The following ZNF43 variants were observed in gnomAD, a reference collection of about 807,000 sequenced individuals.
ZNF43 encodes the protein zinc finger protein 43.
In ZNF43, 44 loss-of-function variants were observed where a neutral mutation model predicts 68.4. The ratio of observed to expected loss-of-function variants is 0.64; its 90% CI spans 0.51 to 0.83. ZNF43 has a LOEUF of 0.83. ZNF43 is among the 40% of genes least tolerant of loss of function. ZNF43 has a pLI of 0.00. For missense variants in ZNF43, 896 were observed against 933.2 expected (o/e 0.96, Z 0.52); for synonymous variants, 308 against 307.8 (o/e 1.00, Z -0.01).
rs185205420 is a variant in ZNF43, at chr19:21,829,691, T to G, written c.3+6345A>C. Among the ~76,000 whole-genome samples, 26 of 152,294 alleles carry G rather than the reference T, an allele frequency of 1.7e-4. No homozygotes were observed. The East Asian group carries it at 4.6e-3, about 27-fold the overall frequency. ...TTTAAGATAAAAGAGTTGAACAAGATAGTCTCTCTTATTTTCAGGTAGGAT... is the reference window on the plus strand; with the variant it reads ...TTTAAGATAAAAGAGTTGAACAAGAGAGTCTCTCTTATTTTCAGGTAGGAT... On this transcript the variant is annotated intron_variant, in intron 1 of 3. Transcript: ENST00000354959.
chr19:21,848,437 T>C (rs1041215483), intron 1 of ZNF43, among the ~76,000 whole-genome samples: 89 of 152,314 alleles, frequency 5.8e-4, no homozygotes, highest in African/African-American at 2.0e-3. Context: ...TGAGCCACCA[T>C]GCCCGGCCAT....
At position 21,836,111 on chromosome 19, in the gene ZNF43, G is replaced by T. The variant is rs1046385828; in HGVS notation, c.-73C>A. 3 of 1,610,530 alleles carry T rather than the reference G, an allele frequency of 1.9e-6. No individual in the cohort carries two copies. On this transcript the variant is annotated 5_prime_UTR_variant, in exon 1 of 4. Transcript: ENST00000354959. The stretch of plus-strand genomic sequence containing the variant: ...TACCCGCAGGTCACAGAGCCACAGA[G>T]GCTGGACCTCTAGCAGCAGAGGACA...
Position 21,844,921 on chromosome 19 carries a change from A to AATATATATAT in ZNF43, c.30+6974_30+6983dup, listed in dbSNP as rs1181354510. The stretch of plus-strand genomic sequence containing the variant: ...CAAAAAAAAAAAAAAAAAAAAAAAA[A>AATATATATAT]ATATATATATATATATATATATATA... On this transcript the variant is annotated intron_variant, in intron 1 of 3. Coordinates refer to the ZNF43 transcript ENST00000357491. Among the ~76,000 whole-genome samples the AATATATATAT allele has an allele frequency of 6.7e-3, 174 of 26,018 alleles. 3 individuals are homozygous for AATATATATAT. The highest frequency in any genetic ancestry group is 8.0e-3 in the Non-Finnish European group (128 of 16,062). 17.1% of individuals were successfully genotyped at this position (26,018 alleles called of 152,430 possible).
At chr19:21,851,900 C>T in intron 1 of ZNF43, 1 of 1,578,856 alleles carries the variant, frequency 6.3e-7, no homozygotes, top group Non-Finnish European at 8.6e-7. Context: ...ACCCCGCACA[C>T]TCACCATTTC....
upstream of ZNF43, among the ~76,000 whole-genome samples, chr19:21,839,331 C>CAAAAAAAAAAAAAAAAAAAAAA (rs61335194): frequency 3.5e-5 from 1 of 28,300 alleles, no homozygotes; most frequent in Non-Finnish European, 7.0e-5. Context: ...AGAGATCAGG[C>CAAAAAAAAAAAAAAAAAAAAAA]AAAAAAAAAA....
chr19:21,808,635 T>C lies in ZNF43; in HGVS notation c.1402A>G (p.Asn468Asp). The C allele has an allele frequency of 6.2e-7, 1 of 1,613,744 alleles. No individual in the cohort carries two copies. The highest frequency in any genetic ancestry group is 1.1e-5 in the South Asian group (1 of 91,066). ...VCGKAFNQFS[N>D]LTTHKRIHTA... ...TGAATTCTCTTATGTGTAGTAAGGT[T>C]TGAGAACTGGTTAAAGGCTTTGCCA... The change falls in exon 4 of 4, where the codon AAC becomes GAC. Residue 468 changes from asparagine to aspartate, a missense_variant. By Grantham distance (23) the Asn-to-Asp change is conservative. Coordinates refer to ENST00000354959, the MANE Select transcript of ZNF43 (RefSeq NM_003423.4).
Position 21,817,532 on chromosome 19 carries a change from G to T in ZNF43, c.229+356C>A, listed in dbSNP as rs189784438. On this transcript the variant is annotated intron_variant, in intron 3 of 3. Coordinates refer to ENST00000354959, the MANE Select transcript of ZNF43 (RefSeq NM_003423.4). ...ACATTTCAGACATGATGTAAAGAAA[G>T]AACTTAAAAAATAGTTTAATATACA... Among the ~76,000 whole-genome samples the T allele has an allele frequency of 7.0e-3, 1,068 of 152,178 alleles. 8 individuals are homozygous for T. Among genetic ancestry groups the T allele is most frequent in the Non-Finnish European group, 0.012 (835 of 67,990 alleles).
intron 1 of ZNF43, among the ~76,000 whole-genome samples, chr19:21,831,358 T>A (rs907507509): frequency 1.7e-4 from 26 of 152,230 alleles, no homozygotes; most frequent in African/African-American, 2.9e-4. Flanking sequence ...TTTTTTTTTT[T>A]TAATTTTTAT....
At chr19:21,845,854 T>C (rs959122477) in intron 1 of ZNF43, among the ~76,000 whole-genome samples, 3 of 150,512 alleles carry the variant, frequency 2.0e-5, no homozygotes, top group Non-Finnish European at 4.4e-5. Flanking sequence ...GATTATGCCA[T>C]TGCACTCCAG....
At chr19:21,822,683 T>C (rs2037914586) in intron 1 of ZNF43, among the ~76,000 whole-genome samples, 1 of 151,832 alleles carries the variant, frequency 6.6e-6, no homozygotes, top group South Asian at 2.1e-4. Context: ...CGGGCACCTG[T>C]AGTCCCAGCT....
chr19:21,843,267 G>A, intron 1 of ZNF43: 1 of 567,760 alleles, frequency 1.8e-6, no homozygotes, highest in Non-Finnish European at 2.2e-6. Flanking sequence ...TGTGTACTGG[G>A]CCCAGGCAGG....
rs752771511 is a variant in ZNF43 at position 21,809,521 on chromosome 19, T to A, written c.516A>T (p.Lys172Asn). 3.7e-6 allele frequency: 6 copies of A among 1,613,254 alleles called. No individual in the cohort carries two copies. In the South Asian group the frequency reaches 6.6e-5, roughly 18 times the overall value. ...NRHKISHTEK[K>N]LFKCKECGKS... is the part of the protein sequence containing the mutation. ...TGCCACATTCTTTGCATTTGAAAAG[T>A]TTTTTTTCAGTATGGCTTATCTTAT... is the stretch of plus-strand genomic sequence containing the variant. Residue 172 changes from lysine to asparagine, a missense_variant, in exon 4 of 4, where the codon AAA becomes AAT. By Grantham distance (94) the Lys-to-Asn change is moderately conservative. Transcript: ENST00000354959.
At chr19:21,818,661 C>T (rs2037649694) in intron 2 of ZNF43, among the ~76,000 whole-genome samples, 1 of 152,142 alleles carries the variant, frequency 6.6e-6, no homozygotes, top group Admixed American at 6.5e-5. Context: ...CCTCAGGTAT[C>T]TGCCTGCCTC....
At position 21,807,589 on chromosome 19, in the gene ZNF43, AT is replaced by A; in HGVS notation, c.*17del. ...TTATCACATTCTTTACATTTCTAGA[AT>A]TTCTCACCAGTATAATTTATTTTAT... On this transcript the variant is annotated 3_prime_UTR_variant, in exon 4 of 4. Coordinates refer to ENST00000354959, the MANE Select transcript of ZNF43 (RefSeq NM_003423.4). 2 of 1,514,214 alleles carry A rather than the reference AT, an allele frequency of 1.3e-6. No homozygotes were observed. Among genetic ancestry groups the A allele is most frequent in the Non-Finnish European group, 1.8e-6 (2 of 1,133,634 alleles). 93.8% of individuals were successfully genotyped at this position (1,514,214 alleles called of 1,614,324 possible). A position where few individuals can be genotyped will look rare whatever the true frequency, so the allele number is the denominator to read the frequency against.
At chr19:21,839,331 C>CAAAAAAA (rs61335194), upstream of ZNF43, among the ~76,000 whole-genome samples, 8 of 28,294 alleles carry the variant, frequency 2.8e-4, 1 homozygote, top group African/African-American at 4.7e-4. Flanking sequence ...AGAGATCAGG[C>CAAAAAAA]AAAAAAAAAA....
upstream of ZNF43, among the ~76,000 whole-genome samples, chr19:21,838,400 T>C (rs1200937709): frequency 2.9e-5 from 3 of 101,804 alleles, no homozygotes; most frequent in Non-Finnish European, 5.5e-5. Context: ...CCATTCTAAA[T>C]TTTTTTTTTT....
chr19:21,841,484 G>C (rs759730558), intron 1 of ZNF43: 15 of 152,244 alleles, frequency 9.9e-5, no homozygotes, highest in Non-Finnish European at 2.2e-4. Context: ...CTGCAGGCAA[G>C]GCCTGGGCAC....
chr19:21,837,433 T>G (rs1281407417), upstream of ZNF43, among the ~76,000 whole-genome samples: 1 of 133,144 alleles, frequency 7.5e-6, no homozygotes, highest in African/African-American at 2.8e-5. Context: ...TTTTTTTTTT[T>G]TTTTTTTTTG....
At chr19:21,838,767 T>TA (rs1056676290), upstream of ZNF43, 18 of 152,174 alleles carry the variant, frequency 1.2e-4, no homozygotes, top group African/African-American at 2.4e-5. Context: ...TAGTGGATCT[T>TA]AATGTTGGAG....
Sources: allele counts gnomAD v4.1 joint callset (sites outside exome capture counted in the v4.1 genomes callset), GRCh38; gene constraint gnomAD v4.1.1; transcripts MANE v1.5; gene names NCBI Gene and HGNC (gene_info 2026-07-23, HGNC 2026-07-21).